Variants in SCAMP1 observed in about 807,000 individuals in gnomAD.
SCAMP1 encodes the protein secretory carrier membrane protein 1.
SCAMP1 carries 15 observed loss-of-function variants against 41.8 expected under a neutral mutation model. That is an observed-to-expected ratio of 0.36 (90% CI 0.24 to 0.55). SCAMP1 has a LOEUF of 0.55. Among genes scored for constraint, SCAMP1 ranks in the 20% least tolerant of loss-of-function variants. The probability of loss-of-function intolerance (pLI) is 0.86; values close to 1 mark genes in which losing one functional copy is unlikely to be tolerated. For synonymous variants in SCAMP1, 135 were observed against 136.8 expected (o/e 0.99, Z 0.09); for missense variants, 341 against 412.6 (o/e 0.83, Z 1.50).
intron 6 of SCAMP1, among the ~76,000 whole-genome samples, chr5:78,445,312 G>A (rs927477696): frequency 2.0e-5 from 3 of 152,180 alleles, no homozygotes; most frequent in Non-Finnish European, 2.9e-5. Flanking sequence ...TTTCCAGTAG[G>A]CTTTGATCTG....
intron 7 of SCAMP1, among the ~76,000 whole-genome samples, chr5:78,451,337 C>A (rs942375495): frequency 1.3e-5 from 2 of 152,078 alleles, no homozygotes; most frequent in East Asian, 3.8e-4. Flanking sequence ...CCTGTTTCAC[C>A]CAATGGTAAT....
chr5:78,452,434 C>A (rs1389771487), intron 7 of SCAMP1, among the ~76,000 whole-genome samples: 8 of 132,176 alleles, frequency 6.1e-5, no homozygotes, highest in Admixed American at 2.4e-4. Flanking sequence ...TGAGAATATG[C>A]GGTGTTTGGT....
At chr5:78,436,505 G>T (rs150700105) in intron 6 of SCAMP1, among the ~76,000 whole-genome samples, 3 of 152,068 alleles carry the variant, frequency 2.0e-5, no homozygotes, top group Non-Finnish European at 2.9e-5. Flanking sequence ...TCTTGTTTTT[G>T]TCAGGTTTGT....
At chr5:78,401,162 AC>A (rs2112109862) in intron 2 of SCAMP1, among the ~76,000 whole-genome samples, 1 of 152,122 alleles carries the variant, frequency 6.6e-6, no homozygotes, top group Admixed American at 6.5e-5. Flanking sequence ...TGAATGTTGA[AC>A]CAGCCTAGGA....
At chr5:78,374,143 C>T (rs987583140) in intron 1 of SCAMP1, among the ~76,000 whole-genome samples, 1 of 152,080 alleles carries the variant, frequency 6.6e-6, no homozygotes, top group Non-Finnish European at 1.5e-5. Context: ...AAATAATCCA[C>T]ACTTTAGTTG....
intron 7 of SCAMP1, among the ~76,000 whole-genome samples, chr5:78,454,219 GT>G (rs1753321980): frequency 6.6e-6 from 1 of 151,970 alleles, no homozygotes; most frequent in South Asian, 2.1e-4. Context: ...CCAACACTAT[GT>G]TGAATAGGAG....
chr5:78,435,352 A>T (rs1464480189), intron 6 of SCAMP1, among the ~76,000 whole-genome samples: 2 of 152,220 alleles, frequency 1.3e-5, no homozygotes, highest in South Asian at 2.1e-4. Flanking sequence ...CATCATTTAC[A>T]TTAGGTATTT....
At chr5:78,379,889 AT>A (rs1177757876) in intron 1 of SCAMP1, among the ~76,000 whole-genome samples, 1 of 152,168 alleles carries the variant, frequency 6.6e-6, no homozygotes, top group Non-Finnish European at 1.5e-5. Context: ...TTTTGAGTTA[AT>A]TTTGTTTTGT....
intron 7 of SCAMP1, among the ~76,000 whole-genome samples, chr5:78,453,486 A>G (rs1753297741): frequency 6.6e-6 from 1 of 152,040 alleles, no homozygotes; most frequent in South Asian, 2.1e-4. Flanking sequence ...GTCAAAGATC[A>G]GATAGTTGTA....
intron 6 of SCAMP1, among the ~76,000 whole-genome samples, chr5:78,442,268 T>TTTTG (rs371594192): frequency 2.6e-5 from 4 of 152,264 alleles, no homozygotes; most frequent in East Asian, 1.9e-4. Context: ...TGTTTGAGTT[T>TTTTG]TTTGTTTGTT....
intron 3 of SCAMP1, among the ~76,000 whole-genome samples, chr5:78,416,219 T>C (rs1752205461): frequency 6.6e-6 from 1 of 152,234 alleles, no homozygotes; most frequent in African/African-American, 2.4e-5. Context: ...CCATTGCCTC[T>C]GTTCTTCACT....
chr5:78,391,684 G>T (rs969119981), intron 2 of SCAMP1, among the ~76,000 whole-genome samples: 2 of 152,166 alleles, frequency 1.3e-5, no homozygotes, highest in African/African-American at 4.8e-5. Context: ...GTAGCGAGCC[G>T]AGATCACGCC....
At chr5:78,417,709 C>G (rs1752243045) in intron 4 of SCAMP1, among the ~76,000 whole-genome samples, 1 of 152,142 alleles carries the variant, frequency 6.6e-6, no homozygotes, top group Admixed American at 6.5e-5. Flanking sequence ...CCAAGGCGAC[C>G]TTGCCAGTAA....
chr5:78,461,540 T>C (rs114265149), intron 8 of SCAMP1, among the ~76,000 whole-genome samples: 1,611 of 152,214 alleles, frequency 0.011, 34 homozygotes, highest in African/African-American at 0.037. Flanking sequence ...TTTGTACTGG[T>C]TACCATGCTG....
intron 1 of SCAMP1, among the ~76,000 whole-genome samples, chr5:78,362,014 T>C (rs1463496433): frequency 6.6e-6 from 1 of 152,240 alleles, no homozygotes; most frequent in Non-Finnish European, 1.5e-5. Flanking sequence ...CACTGTTTCA[T>C]TGTCCCTAAT....
Position 78,366,144 on chromosome 5 carries a change from C to CTT in SCAMP1, c.57+5419_57+5420dup, listed in dbSNP as rs781191155. Among the ~76,000 whole-genome samples, 485 of 135,636 alleles carry CTT rather than the reference C, an allele frequency of 3.6e-3. 21 individuals are homozygous for CTT. The highest frequency in any genetic ancestry group is 4.7e-3 in the Non-Finnish European group (295 of 63,014). 89.0% of individuals were successfully genotyped at this position (135,636 alleles called of 152,430 possible). A position where few individuals can be genotyped will look rare whatever the true frequency, so the allele number is the denominator to read the frequency against. On this transcript the variant is annotated intron_variant, in intron 1 of 8. Transcript: ENST00000621999. ...CAGCTCTTTGGGGCCCTTTTCTTTT[C>CTT]TTTTCTTTTTTTTTTTTGAGACGGA...
intron 2 of SCAMP1, among the ~76,000 whole-genome samples, chr5:78,412,352 G>A (rs1258354858): frequency 6.6e-6 from 1 of 151,334 alleles, no homozygotes; most frequent in Non-Finnish European, 1.5e-5. Flanking sequence ...GTGTATTTTA[G>A]TGTCTTTATA....
chr5:78,440,637 G>T (rs979591390), intron 6 of SCAMP1, among the ~76,000 whole-genome samples: 1 of 152,220 alleles, frequency 6.6e-6, no homozygotes, highest in Non-Finnish European at 1.5e-5. Flanking sequence ...GTGCCTCCCA[G>T]TTAGGCTACT....
At chr5:78,456,099 C>G (rs1388097098) in intron 7 of SCAMP1, among the ~76,000 whole-genome samples, 1 of 111,932 alleles carries the variant, frequency 8.9e-6, no homozygotes, top group African/African-American at 3.7e-5. Flanking sequence ...AGATGGGTTT[C>G]CTGAATACAG....
Sources: gnomAD v4.1 joint callset for allele counts (sites outside exome capture counted in the v4.1 genomes callset) on GRCh38, gnomAD v4.1.1 for gene constraint, MANE v1.5 for transcripts, NCBI Gene and HGNC (gene_info 2026-07-23, HGNC 2026-07-21) for gene names.